The following PXDNL variants were observed in gnomAD, a reference collection of about 807,000 sequenced individuals.
PXDNL encodes probable oxidoreductase PXDNL.
In PXDNL, 145 loss-of-function variants were observed where a neutral mutation model predicts 150.8. The observed-to-expected ratio is 0.96, with a 90% CI of 0.84 to 1.10. PXDNL has a LOEUF of 1.10. Among genes scored for constraint, PXDNL ranks in the 50% least tolerant of loss-of-function variants. PXDNL has a pLI of 0.00. For missense variants in PXDNL, 2,087 were observed against 1,873.9 expected, an observed-to-expected ratio of 1.11 and a Z score of -2.10; for synonymous variants, 757 against 725.7, an observed-to-expected ratio of 1.04 and a Z score of -0.69.
chr8:51,497,037 C>A (rs919570446), intron 5 of PXDNL, among the ~76,000 whole-genome samples: 10 of 152,156 alleles, frequency 6.6e-5, no homozygotes, highest in African/African-American at 2.2e-4. Flanking sequence ...TCAAACTATA[C>A]TACAAGGCTA....
intron 3 of PXDNL, among the ~76,000 whole-genome samples, chr8:51,578,359 A>G (rs1813134895): frequency 6.6e-6 from 1 of 152,052 alleles, no homozygotes; most frequent in East Asian, 1.9e-4. Context: ...CTGAAATTAT[A>G]CTAAAAAGCA....
In PXDNL at chr8:51,413,249, C is replaced by A. The variant is rs1156849377; in HGVS notation, c.1805G>T (p.Gly602Val). The change falls in exon 15 of 23, where the codon GGT becomes GTT. Residue 602 changes from glycine to valine, a missense_variant. By Grantham distance (109) the Gly-to-Val change is moderately radical. Coordinates refer to ENST00000356297, the MANE Select transcript of PXDNL (RefSeq NM_144651.5). ...AACAAAGTCATCGCCAGCTTGTCTA[C>A]CCTGTATAGCTTTGAAAATCAATTC... ...NMFLTVTAIQGRQAGDDFVES... is the reference protein window; with the variant it reads ...NMFLTVTAIQVRQAGDDFVES... 2 of 1,602,208 alleles carry A rather than the reference C, an allele frequency of 1.2e-6. No homozygotes were observed. Among genetic ancestry groups the A allele is most frequent in the Non-Finnish European group, 8.5e-7 (1 of 1,170,504 alleles).
At chr8:51,325,671 A>G (rs946264788) in intron 21 of PXDNL, among the ~76,000 whole-genome samples, 3 of 152,206 alleles carry the variant, frequency 2.0e-5, no homozygotes, top group African/African-American at 7.2e-5. Context: ...GGGGAGCTTC[A>G]TTCCTGCTGG....
intron 3 of PXDNL, among the ~76,000 whole-genome samples, chr8:51,583,898 T>C (rs1456899923): frequency 2.0e-5 from 3 of 152,106 alleles, no homozygotes; most frequent in African/African-American, 7.2e-5. Context: ...GAAGAGAAAA[T>C]AGTTGCCAGT....
Position 51,413,154 on chromosome 8 carries a change from A to C in PXDNL, c.1900T>G (p.Ser634Ala). ...CTGTGTAAAATAAATTCTTACTGTGAAAACAAATGTCTTCGTGTGGAGTTA... is the reference window on the plus strand; with the variant it reads ...CTGTGTAAAATAAATTCTTACTGTGCAAACAAATGTCTTCGTGTGGAGTTA... ...AINSTRRHLF[S>A]QKPHTSSDLL... Residue 634 changes from serine to alanine, a missense_variant, in exon 15 of 23, where the codon TCA (serine) becomes GCA (alanine). Transcript: ENST00000356297. 2.6e-6 allele frequency: 4 copies of C among 1,567,858 alleles called. No individual in the cohort carries two copies. Among genetic ancestry groups the C allele is most frequent in the Non-Finnish European group, 3.5e-6 (4 of 1,138,570 alleles).
At chr8:51,564,466 C>T (rs1387135473) in intron 3 of PXDNL, among the ~76,000 whole-genome samples, 1 of 151,570 alleles carries the variant, frequency 6.6e-6, no homozygotes, top group Non-Finnish European at 1.5e-5. Context: ...TTTTGCCACC[C>T]AGATAATAAG....
At chr8:51,333,102 C>G (rs528927325) in intron 21 of PXDNL, among the ~76,000 whole-genome samples, 1 of 152,156 alleles carries the variant, frequency 6.6e-6, no homozygotes, top group South Asian at 2.1e-4. Flanking sequence ...CACCAGGTAA[C>G]CTGTAAAGGA....
At chr8:51,794,179 C>T (rs2037539633) in intron 1 of PXDNL, among the ~76,000 whole-genome samples, 1 of 152,082 alleles carries the variant, frequency 6.6e-6, no homozygotes, top group African/African-American at 2.4e-5. Context: ...AAGACGGAAC[C>T]TATGACCGAT....
chr8:51,397,695 G>T (rs886962568), intron 17 of PXDNL, among the ~76,000 whole-genome samples: 4 of 152,118 alleles, frequency 2.6e-5, no homozygotes, highest in African/African-American at 9.7e-5. Context: ...AAGAAGAAAT[G>T]CATTGCAGGA....
At chr8:51,466,346 T>C (rs1416523106) in intron 8 of PXDNL, among the ~76,000 whole-genome samples, 1 of 152,170 alleles carries the variant, frequency 6.6e-6, no homozygotes, top group Non-Finnish European at 1.5e-5. Context: ...GCTATCCATA[T>C]GCAGAAAGAT....
intron 19 of PXDNL, among the ~76,000 whole-genome samples, chr8:51,371,067 T>C (rs544941862): frequency 9.8e-5 from 15 of 152,352 alleles, no homozygotes; most frequent in African/African-American, 3.1e-4. Flanking sequence ...CCTTGTGTCA[T>C]TGGCGTCCAG....
chr8:51,587,686 ATGT>A (rs1483874441), intron 3 of PXDNL, among the ~76,000 whole-genome samples: 1 of 152,188 alleles, frequency 6.6e-6, no homozygotes, highest in Non-Finnish European at 1.5e-5. Context: ...ATAAATACAC[ATGT>A]TGTTGAAACA....
At position 51,658,394 on chromosome 8, in the gene PXDNL, A is replaced by T. The variant is rs181984044; in HGVS notation, c.165-3634T>A. On this transcript the variant is annotated intron_variant, in intron 1 of 22. Transcript: ENST00000356297. The stretch of plus-strand genomic sequence containing the variant: ...AAAGGAAAAAAAAAGAAAAAAAAGT[A>T]TGATTGGACACCCAAAGATTTTCTC... 5.5e-3 allele frequency among the ~76,000 whole-genome samples: 807 copies of T among 145,692 alleles called. 9 individuals carry two copies. The highest frequency in any genetic ancestry group is 0.038 in the South Asian group (174 of 4,548).
chr8:51,530,649 CAG>C (rs1347241962), intron 4 of PXDNL, among the ~76,000 whole-genome samples: 1 of 152,160 alleles, frequency 6.6e-6, no homozygotes, highest in Non-Finnish European at 1.5e-5. Context: ...CTTAAACACA[CAG>C]TGCCTAGTTA....
At chr8:51,407,993 C>A (rs1028660053) in intron 17 of PXDNL, 74 bp downstream of exon 17, 12 of 1,339,310 alleles carry the variant, frequency 9.0e-6, no homozygotes, top group Non-Finnish European at 1.2e-5. Flanking sequence ...CAAATTCCAG[C>A]CACACAAAAT....
intron 1 of PXDNL, among the ~76,000 whole-genome samples, chr8:51,665,662 C>T (rs1005446282): frequency 2.6e-5 from 4 of 151,980 alleles, no homozygotes; most frequent in South Asian, 2.1e-4. Context: ...TCATAATTGG[C>T]GAAATTCAAA....
chr8:51,453,912 TATATATATAC>T, intron 9 of PXDNL, 127 bp from the exon 10 acceptor site: 1 of 794,402 alleles, frequency 1.3e-6, no homozygotes, highest in Non-Finnish European at 1.9e-6. Context: ...ATTACACATA[TATATATATAC>T]ACATTTAATT....
intron 4 of PXDNL, among the ~76,000 whole-genome samples, chr8:51,503,442 G>A (rs1811227023): frequency 6.6e-6 from 1 of 152,164 alleles, no homozygotes; most frequent in Non-Finnish European, 1.5e-5. Context: ...GCAGTAGGAT[G>A]TTTTAGGTTA....
intron 1 of PXDNL, among the ~76,000 whole-genome samples, chr8:51,709,600 A>G (rs1306995613): frequency 6.6e-6 from 1 of 152,210 alleles, no homozygotes; most frequent in Non-Finnish European, 1.5e-5. Context: ...TGACCAGACA[A>G]GAGCACAAGA....
Sources: allele counts gnomAD v4.1 joint callset (sites outside exome capture counted in the v4.1 genomes callset), GRCh38; gene constraint gnomAD v4.1.1; transcripts MANE v1.5; gene names NCBI Gene and HGNC (gene_info 2026-07-23, HGNC 2026-07-21).